The following CHAT variants were observed in gnomAD, a reference collection of about 807,000 sequenced individuals.
The protein encoded by CHAT is acetyl CoA:choline O-acetyltransferase.
CHAT carries 61 observed loss-of-function variants against 76.9 expected under a neutral mutation model. The ratio of observed to expected loss-of-function variants is 0.79; its 90% confidence interval spans 0.65 to 0.98. The LOEUF is 0.98. CHAT is among the 50% of genes least tolerant of loss of function. The pLI, the probability that CHAT is intolerant of heterozygous loss-of-function variation, is 0.00. For synonymous variants in CHAT, 407 were observed against 397.4 expected, an observed-to-expected ratio of 1.02 and a Z score of -0.29; for missense variants, 946 against 986.9, an observed-to-expected ratio of 0.96 and a Z score of 0.56.
At chr10:49,659,789 G>C (rs543071254) in intron 13 of CHAT, among the ~76,000 whole-genome samples, 3 of 152,098 alleles carry the variant, frequency 2.0e-5, no homozygotes, top group South Asian at 2.1e-4. Flanking sequence ...ATGAACCCAG[G>C]GGGTGGAAGT....
chr10:49,652,005 A>G lies in CHAT; in HGVS notation c.1633A>G (p.Arg545Gly), dbSNP rs1839895141. The change falls in exon 11 of 15, where the codon AGG becomes GGG. Residue 545 changes from arginine (R) to glycine (G), a missense_variant and splice_region_variant. This residue lies in a region of CHAT where 349 missense variants were observed against 393.9 expected (regional missense o/e 0.89). Transcript: ENST00000337653. The part of the protein sequence containing the change: ...IQVALQLAFY[R>G]LHRRLVPTYE... ...GGTGGCCCTCCAGCTGGCCTTCTAC[A>G]GGTGAGTGAAGGTGGAGTGAGTCTG... 9 of 1,614,052 alleles carry G rather than the reference A, an allele frequency of 5.6e-6. No homozygotes were observed. The highest frequency in any genetic ancestry group is 5.9e-6 in the Non-Finnish European group (7 of 1,180,030).
intron 13 of CHAT, 87 bp from the exon 14 acceptor site, chr10:49,662,558 C>A (rs1366107454): frequency 1.0e-5 from 16 of 1,561,286 alleles, no homozygotes; most frequent in Non-Finnish European, 1.3e-5. Context: ...CTGGAGTCAC[C>A]AGCAGTCCTG....
intron 5 of CHAT, among the ~76,000 whole-genome samples, chr10:49,622,937 C>T (rs1046210116): frequency 6.6e-5 from 10 of 152,230 alleles, no homozygotes; most frequent in Non-Finnish European, 1.5e-4. Context: ...AGCCTTGGGA[C>T]AGAGGCTCAG....
In CHAT at chr10:49,655,156, C is replaced by A; in HGVS notation, c.1696C>A (p.Arg566Ser). The A allele has an allele frequency of 1.2e-6, 2 of 1,614,050 alleles. No homozygotes were observed. The highest frequency in any genetic ancestry group is 8.5e-7 in the Non-Finnish European group (1 of 1,180,020). Residue 566 changes from arginine (R) to serine (S), a missense_variant, in exon 12 of 15, where the codon CGC becomes AGC. By Grantham distance (110) the Arg-to-Ser change is moderately radical (BLOSUM62 -1). Transcript: ENST00000337653. ...GTCCATCCGCCGATTCCAGGAGGGA[C>A]GCGTGGACAACATCAGATCGGCCAC... ...SASIRRFQEG[R>S]VDNIRSATPE...
chr10:49,659,667 G>C (rs2132844640), intron 13 of CHAT, among the ~76,000 whole-genome samples: 1 of 152,226 alleles, frequency 6.6e-6, no homozygotes, highest in African/African-American at 2.4e-5. Context: ...TTCAAGACCA[G>C]CCTGGCCAAC....
chr10:49,628,007 A>T (rs1459372845), intron 7 of CHAT, among the ~76,000 whole-genome samples: 1 of 151,754 alleles, frequency 6.6e-6, no homozygotes, highest in African/African-American at 2.4e-5. Flanking sequence ...GGTGGGACTA[A>T]CTAGTGCTGG....
upstream of CHAT, chr10:49,611,642 G>A: frequency 6.2e-7 from 1 of 1,612,052 alleles, no homozygotes; most frequent in South Asian, 1.1e-5. Flanking sequence ...CTCACCACCT[G>A]TAACATTCCC....
intron 7 of CHAT, among the ~76,000 whole-genome samples, chr10:49,643,573 G>T (rs971693777): frequency 1.3e-5 from 2 of 152,204 alleles, no homozygotes; most frequent in African/African-American, 4.8e-5. Flanking sequence ...CTAAGGAGGG[G>T]AGAAGGGCAG....
rs921028497 is a variant in CHAT at position 49,666,964 on chromosome 10, G to A, written c.*1918G>A. 3.9e-5 allele frequency among the ~76,000 whole-genome samples: 6 copies of A among 152,150 alleles called. No homozygotes were observed. The highest frequency in any genetic ancestry group is 1.3e-4 in the Admixed American group (2 of 15,274). ...TTCCTTTCCCTCCATGGATTTCTGCGCAGACATAGAGCTCCAGCTATGGGG... is the reference window on the plus strand; with the variant it reads ...TTCCTTTCCCTCCATGGATTTCTGCACAGACATAGAGCTCCAGCTATGGGG... On this transcript the variant is annotated 3_prime_UTR_variant, in exon 15 of 15. Coordinates refer to ENST00000337653, the MANE Select transcript of CHAT (RefSeq NM_020549.5).
At chr10:49,637,143 G>T (rs188514021) in intron 7 of CHAT, among the ~76,000 whole-genome samples, 1 of 149,470 alleles carries the variant, frequency 6.7e-6, no homozygotes, top group Non-Finnish European at 1.5e-5. Context: ...ATTGATTTCT[G>T]CTCTTTATTA....
chr10:49,657,091 G>T (rs569970772), intron 13 of CHAT, among the ~76,000 whole-genome samples: 2 of 152,344 alleles, frequency 1.3e-5, no homozygotes, highest in Admixed American at 6.5e-5. Flanking sequence ...AACAGTGAGA[G>T]AAGCTTGGGA....
At position 49,665,155 on chromosome 10, in the gene CHAT, G is replaced by A. The variant is rs911172488; in HGVS notation, c.*109G>A. On this transcript the variant is annotated 3_prime_UTR_variant, in exon 15 of 15. Coordinates refer to ENST00000337653, the MANE Select transcript of CHAT (RefSeq NM_020549.5). Reference sequence around the variant, plus strand: ...GCTTTCCACAGCTCCCTGTCCTCAGGGTCCAACTCACAGACCATACAGAGA... The same window carrying A: ...GCTTTCCACAGCTCCCTGTCCTCAGAGTCCAACTCACAGACCATACAGAGA... The A allele has an allele frequency of 8.2e-7, 1 of 1,224,356 alleles. No individual in the cohort carries two copies. Among genetic ancestry groups the A allele is most frequent in the Non-Finnish European group, 1.2e-6 (1 of 837,472 alleles). The allele number at this position is 1,224,356 out of a possible 1,614,324, so 75.8% of individuals were successfully genotyped here. A position where few individuals can be genotyped will look rare whatever the true frequency, so the allele number is the denominator to read the frequency against.
In CHAT at chr10:49,614,189, G is replaced by T; in HGVS notation, c.-1G>T. 1 of 1,412,914 alleles carries T rather than the reference G, an allele frequency of 7.1e-7. No individual in the cohort carries two copies. The highest frequency in any genetic ancestry group is 9.7e-7 in the Non-Finnish European group (1 of 1,028,662). The allele number at this position is 1,412,914 out of a possible 1,614,324, so 87.5% of individuals were successfully genotyped here. A position where few individuals can be genotyped will look rare whatever the true frequency, so the allele number is the denominator to read the frequency against. ...TCCCTGGGCGGGGAGCTGGGGAAGG[G>T]ATGGGGCTGAGGACAGCGAAGAAGA... is the stretch of plus-strand genomic sequence containing the variant. On this transcript the variant is annotated 5_prime_UTR_variant, in exon 1 of 15. Transcript: ENST00000337653.
rs527324302 is a variant in CHAT at position 49,660,163 on chromosome 10, G to A, written c.1840-2482G>A. On this transcript the variant is annotated intron_variant, in intron 13 of 14. Coordinates refer to ENST00000337653, the MANE Select transcript of CHAT (RefSeq NM_020549.5). ...GGTCATAAAAGAGCTGAAATTGGCCGGGTGCAGTGGCTCACGCCTGTAATC... is the reference window on the plus strand; with the variant it reads ...GGTCATAAAAGAGCTGAAATTGGCCAGGTGCAGTGGCTCACGCCTGTAATC... Among the ~76,000 whole-genome samples, 35 of 152,000 alleles carry A rather than the reference G, an allele frequency of 2.3e-4. 1 individual carries two copies. The Middle Eastern group carries it at 0.01, about 45-fold the overall frequency.
rs1590572346 is a variant in CHAT, at chr10:49,625,458, A to C, written c.753-15A>C. On this transcript the variant is annotated splice_polypyrimidine_tract_variant and intron_variant, in intron 5 of 14. Transcript: ENST00000337653. ...TCCCCTCGTGGCTGCCTCCCTTCCC[A>C]CTCCTCTCCTTCAGCCACTCCATTC... The C allele has an allele frequency of 6.2e-7, 1 of 1,610,454 alleles. No individual in the cohort carries two copies. The highest frequency in any genetic ancestry group is 1.3e-5 in the African/African-American group (1 of 74,460).
At chr10:49,647,786 TCCTTCCTTCCTTCCTTCCTTC>T (rs1278566937) in intron 8 of CHAT, 4 of 95,788 alleles carry the variant, frequency 4.2e-5, no homozygotes, top group African/African-American at 1.2e-4. Context: ...CTTCCTTCCT[TCCTTCCTTCCTTCCTTCCTTC>T]CTTTTAGTGA....
At chr10:49,646,195 G>A (rs745951389) in intron 7 of CHAT, among the ~76,000 whole-genome samples, 5 of 152,208 alleles carry the variant, frequency 3.3e-5, no homozygotes, top group East Asian at 1.9e-4. Flanking sequence ...TAAGCATCCC[G>A]CTTCATCTTG....
At chr10:49,629,725 G>C (rs998863438) in intron 7 of CHAT, among the ~76,000 whole-genome samples, 2 of 152,170 alleles carry the variant, frequency 1.3e-5, no homozygotes, top group African/African-American at 4.8e-5. Context: ...AGAAAGGAGG[G>C]GACACATGCG....
chr10:49,658,410 G>A (rs1410604372), intron 13 of CHAT, among the ~76,000 whole-genome samples: 1 of 152,210 alleles, frequency 6.6e-6, no homozygotes, highest in Non-Finnish European at 1.5e-5. Context: ...CCAGCTACTC[G>A]GGAAGGCTGA....
Sources: allele counts gnomAD v4.1 joint callset (sites outside exome capture counted in the v4.1 genomes callset), GRCh38; gene constraint gnomAD v4.1.1; regional missense constraint gnomAD v4.1.1; transcripts MANE v1.5; gene names NCBI Gene and HGNC (gene_info 2026-07-23, HGNC 2026-07-21).